Variants in PTPRE observed in about 807,000 individuals in gnomAD.
PTPRE encodes the protein protein tyrosine phosphatase receptor type E, also known as receptor-type tyrosine-protein phosphatase epsilon.
In PTPRE, 51 loss-of-function variants were observed where a neutral mutation model predicts 102.0. The ratio of observed to expected loss-of-function variants is 0.50; its 90% CI spans 0.40 to 0.63. The LOEUF is 0.63. PTPRE is among the 30% of genes least tolerant of loss of function. The pLI, the probability that PTPRE is intolerant of heterozygous loss-of-function variation, is 0.00. For missense variants in PTPRE, 752 were observed against 915.1 expected (o/e 0.82, Z 2.30); for synonymous variants, 345 against 348.2 (o/e 0.99, Z 0.10).
chr10:127,978,201 G>C (rs552636012), intron 1 of PTPRE, among the ~76,000 whole-genome samples: 1 of 152,234 alleles, frequency 6.6e-6, no homozygotes, highest in South Asian at 2.1e-4. Context: ...TGGGAGGAAG[G>C]AGATATAGAC....
chr10:128,003,751 A>G (rs948535168), intron 2 of PTPRE, among the ~76,000 whole-genome samples: 5 of 152,196 alleles, frequency 3.3e-5, no homozygotes, highest in African/African-American at 4.8e-5. Flanking sequence ...TTTGCAATAC[A>G]TGCTCACCAT....
intron 9 of PTPRE, among the ~76,000 whole-genome samples, chr10:128,062,348 G>T (rs1452158497): frequency 6.6e-6 from 1 of 152,186 alleles, no homozygotes; most frequent in Non-Finnish European, 1.5e-5. Context: ...TAAGAAAAAA[G>T]GACACACATG....
chr10:127,992,784 A>G (rs767931431), intron 2 of PTPRE, among the ~76,000 whole-genome samples: 28 of 152,354 alleles, frequency 1.8e-4, no homozygotes, highest in Middle Eastern at 3.4e-3. Flanking sequence ...AAAACTAAGT[A>G]TCATGCAACA....
chr10:128,068,176 C>T lies in PTPRE; in HGVS notation c.897C>T (p.Thr299=). 1 of 1,614,148 alleles carries T rather than the reference C, an allele frequency of 6.2e-7. No individual in the cohort carries two copies. Among genetic ancestry groups the T allele is most frequent in the South Asian group, 1.1e-5 (1 of 91,086 alleles). ...APRLVSQLHF[T]SWPDFGVPFT... Reference sequence around the variant, plus strand: ...GGCTGGTCTCACAGCTGCACTTCACCAGCTGGCCCGACTTCGGAGTGCCTT... The same window carrying T: ...GGCTGGTCTCACAGCTGCACTTCACTAGCTGGCCCGACTTCGGAGTGCCTT... Residue 299 remains threonine (T), a synonymous_variant, in exon 12 of 21, where the codon ACC becomes ACT. Transcript: ENST00000254667.
At position 128,077,623 on chromosome 10, in the gene PTPRE, G is replaced by A. The variant is rs199966158; in HGVS notation, c.1732G>A (p.Ala578Thr). Residue 578 changes from alanine to threonine, a missense_variant, in exon 19 of 21, where the codon GCC becomes ACC. By Grantham distance (58) the Ala-to-Thr change is moderately conservative. This residue lies in a region of PTPRE where 636 missense variants were observed against 824.4 expected (regional missense o/e 0.77). Coordinates refer to ENST00000254667, the MANE Select transcript of PTPRE (RefSeq NM_006504.6). ...DFLVTLNQPQ[A>T]RQEEQVRVVR... ...CCCCCTCTCCTCCCTGCAGCCCCAG[G>A]CCCGCCAGGAGGAGCAGGTCCGAGT... 1.7e-5 allele frequency: 27 copies of A among 1,607,222 alleles called. No homozygotes were observed. Among genetic ancestry groups the A allele is most frequent in the African/African-American group, 2.7e-5 (2 of 74,924 alleles).
At position 128,066,178 on chromosome 10, in the gene PTPRE, A is replaced by T; in HGVS notation, c.827A>T (p.Lys276Met). ...GTTTTGGTCGACTACACCATCCGGA[A>T]GTTCTGCATACAGCCAGTAAGCATC... is the stretch of plus-strand genomic sequence containing the variant. ...CVVLVDYTIR[K>M]FCIQPQLPDG... The change falls in exon 11 of 21, where the codon AAG (lysine) becomes ATG (methionine). Residue 276 changes from lysine to methionine, a missense_variant. Lys to Met is a moderately conservative substitution (Grantham distance 95). Coordinates refer to ENST00000254667, the MANE Select transcript of PTPRE (RefSeq NM_006504.6). 6.2e-7 allele frequency: 1 copy of T among 1,614,176 alleles called. No homozygotes were observed. Among genetic ancestry groups the T allele is most frequent in the Non-Finnish European group, 8.5e-7 (1 of 1,179,990 alleles).
intron 1 of PTPRE, among the ~76,000 whole-genome samples, chr10:127,943,518 G>T (rs1848399042): frequency 6.6e-6 from 1 of 152,170 alleles, no homozygotes; most frequent in Non-Finnish European, 1.5e-5. Flanking sequence ...CTGAGTCTAG[G>T]TTGAAGGAAG....
chr10:128,075,307 G>A (rs1851132003), intron 17 of PTPRE, among the ~76,000 whole-genome samples: 1 of 152,078 alleles, frequency 6.6e-6, no homozygotes, highest in Non-Finnish European at 1.5e-5. Context: ...TTAAGTTCTG[G>A]AGACAAGTGC....
chr10:128,066,041 G>T, intron 10 of PTPRE, 34 bp from the exon 11 acceptor site: 1 of 1,614,172 alleles, frequency 6.2e-7, no homozygotes, highest in Non-Finnish European at 8.5e-7. Flanking sequence ...TGCACCCACA[G>T]ATCTATTTGC....
intron 1 of PTPRE, among the ~76,000 whole-genome samples, chr10:127,946,037 A>G (rs1011807822): frequency 6.6e-6 from 1 of 152,134 alleles, no homozygotes; most frequent in African/African-American, 2.4e-5. Flanking sequence ...CTTGAGGTGA[A>G]GATGGGCCAG....
At chr10:128,079,222 G>T (rs950406590) in intron 19 of PTPRE, among the ~76,000 whole-genome samples, 2 of 152,118 alleles carry the variant, frequency 1.3e-5, no homozygotes, top group African/African-American at 4.8e-5. Flanking sequence ...GGTGCCAACT[G>T]TGCTGCTGGT....
intron 3 of PTPRE, among the ~76,000 whole-genome samples, chr10:128,041,852 T>A (rs1847724763): frequency 6.6e-6 from 1 of 151,940 alleles, no homozygotes; most frequent in African/African-American, 2.4e-5. Context: ...CAAAGTCACA[T>A]CAAGAGCCCC....
Position 128,085,323 on chromosome 10 carries a change from A to G in PTPRE, c.*2417A>G. ...CAGTCAAAGAAAGTCCATTGTACAT[A>G]ACAAAACAGCCCCCAAACAGCCCAG... On this transcript the variant is annotated 3_prime_UTR_variant, in exon 21 of 21. Transcript: ENST00000254667. 3.4e-6 allele frequency: 1 copy of G among 293,694 alleles called. No individual in the cohort carries two copies. The highest frequency in any genetic ancestry group is 3.0e-5 in the South Asian group (1 of 33,374). The allele number at this position is 293,694 out of a possible 1,614,324, so 18.2% of individuals were successfully genotyped here. A position where few individuals can be genotyped will look rare whatever the true frequency, so the allele number is the denominator to read the frequency against.
intron 2 of PTPRE, among the ~76,000 whole-genome samples, chr10:128,005,429 C>A (rs972929514): frequency 1.1e-4 from 16 of 152,212 alleles, no homozygotes; most frequent in Admixed American, 2.0e-4. Context: ...AGGCTCTAAC[C>A]CAAGAGCCTT....
rs768156571 is a variant in PTPRE at position 128,047,452 on chromosome 10, C to T, written c.172C>T (p.Leu58Phe). The T allele has an allele frequency of 1.9e-6, 3 of 1,613,324 alleles. No homozygotes were observed. The highest frequency in any genetic ancestry group is 4.5e-5 in the East Asian group (2 of 44,890). Residue 58 changes from leucine to phenylalanine, a missense_variant, in exon 4 of 21, where the codon CTC becomes TTC. By Grantham distance (22) the Leu-to-Phe change is conservative. Around this residue, in one of 2 missense-constraint regions of PTPRE, gnomAD observed 116 missense variants for 90.8 expected, o/e 1.28. Transcript: ENST00000254667. ...CTGGCTGCTACTGCCGCTGCTGCTC[C>T]TCCTCCTCGTGCTCCTTCTCGCCGC... is the stretch of plus-strand genomic sequence containing the variant. ...LAWLLLPLLL[L>F]LLVLLLAAYF...
At chr10:128,015,253 G>C (rs767413384) in intron 2 of PTPRE, among the ~76,000 whole-genome samples, 12 of 152,172 alleles carry the variant, frequency 7.9e-5, no homozygotes, top group Admixed American at 2.0e-4. Context: ...TGTATCAAGA[G>C]GAGAATGGGG....
intron 1 of PTPRE, among the ~76,000 whole-genome samples, chr10:127,981,053 G>A (rs1295725949): frequency 6.6e-6 from 1 of 152,174 alleles, no homozygotes; most frequent in East Asian, 1.9e-4. Context: ...AAACAAGCGA[G>A]CTAAATTCAT....
intron 7 of PTPRE, among the ~76,000 whole-genome samples, chr10:128,058,386 A>C (rs1849198861): frequency 6.6e-6 from 1 of 152,194 alleles, no homozygotes; most frequent in Admixed American, 6.5e-5. Context: ...GTGTAGTCAG[A>C]TTCAGAATGG....
At chr10:128,067,131 TCA>T (rs1002714929) in intron 11 of PTPRE, among the ~76,000 whole-genome samples, 37 of 116,938 alleles carry the variant, frequency 3.2e-4, no homozygotes, top group Admixed American at 1.3e-3. Context: ...GCATGCACGT[TCA>T]CACACACATG....
Sources: allele counts gnomAD v4.1 joint callset (sites outside exome capture counted in the v4.1 genomes callset), GRCh38; gene constraint gnomAD v4.1.1; regional missense constraint gnomAD v4.1.1; transcripts MANE v1.5; gene names NCBI Gene and HGNC (gene_info 2026-07-23, HGNC 2026-07-21).